The following ATP6V0A4 variants were observed in gnomAD, a reference collection of about 807,000 sequenced individuals.
ATP6V0A4 encodes the protein ATPase H+ transporting V0 subunit a4, also known as V-type proton ATPase 116 kDa subunit a 4.
A neutral mutation model predicts 107.3 loss-of-function variants in ATP6V0A4; 86 were observed. The ratio of observed to expected loss-of-function variants is 0.80; its 90% confidence interval spans 0.67 to 0.96. The LOEUF is 0.96. Among genes scored for constraint, ATP6V0A4 ranks in the 40% least tolerant of loss-of-function variants. ATP6V0A4 has a pLI of 0.00. For synonymous variants in ATP6V0A4, 353 were observed against 381.4 expected, an observed-to-expected ratio of 0.93 and a Z score of 0.87; for missense variants, 908 against 1,045.6, an observed-to-expected ratio of 0.87 and a Z score of 1.81.
intron 1 of ATP6V0A4, among the ~76,000 whole-genome samples, chr7:138,788,112 ATTGAC>A (rs1808250134): frequency 6.6e-6 from 1 of 152,218 alleles, no homozygotes. Context: ...CCAAACAATC[ATTGAC>A]TTGACTATCT....
At chr7:138,756,674 T>C (rs1421435973) in intron 8 of ATP6V0A4, 134 bp from the exon 9 acceptor site, 4 of 1,219,854 alleles carry the variant, frequency 3.3e-6, no homozygotes, top group South Asian at 3.0e-5. Context: ...GTAACTTTCC[T>C]AGTTCATCTA....
chr7:138,745,252 T>C lies in ATP6V0A4; in HGVS notation c.1349A>G (p.Tyr450Cys). 3.1e-6 allele frequency: 5 copies of C among 1,614,070 alleles called. No individual in the cohort carries two copies. Among genetic ancestry groups the C allele is most frequent in the Non-Finnish European group, 4.2e-6 (5 of 1,179,950 alleles). ...GAAGATGCCCATAAGTAGGATCAGATAGCGCCCGTGGAAGAAGGTGTTCCA... is the reference window on the plus strand; with the variant it reads ...GAAGATGCCCATAAGTAGGATCAGACAGCGCCCGTGGAAGAAGGTGTTCCA... ...EIWNTFFHGR[Y>C]LILLMGIFSI... Residue 450 changes from tyrosine (Y) to cysteine (C), a missense_variant, in exon 14 of 22, where the codon TAT (tyrosine) becomes TGT (cysteine). By Grantham distance (194) the Tyr-to-Cys change is radical. Transcript: ENST00000310018.
At chr7:138,728,942 G>C in intron 17 of ATP6V0A4, 80 bp from the exon 18 acceptor site, 1 of 1,609,542 alleles carries the variant, frequency 6.2e-7, no homozygotes, top group Non-Finnish European at 8.5e-7. Flanking sequence ...TGACCACTAT[G>C]GGCCACTTCA....
At chr7:138,766,917 A>G (rs1807121180) in intron 5 of ATP6V0A4, among the ~76,000 whole-genome samples, 1 of 152,218 alleles carries the variant, frequency 6.6e-6, no homozygotes, top group Non-Finnish European at 1.5e-5. Context: ...GGCTATTAAA[A>G]TATTCCTCCC....
chr7:138,729,018 T>C (rs1804855360), intron 17 of ATP6V0A4, 156 bp from the exon 18 acceptor site: 1 of 903,734 alleles, frequency 1.1e-6, no homozygotes, highest in Non-Finnish European at 1.3e-6. Flanking sequence ...GCCTGGAATA[T>C]TCCCCTTGCA....
chr7:138,711,237 G>A (rs1803725563), intron 20 of ATP6V0A4, among the ~76,000 whole-genome samples: 1 of 152,174 alleles, frequency 6.6e-6, no homozygotes, highest in South Asian at 2.1e-4. Flanking sequence ...AAATCCAAGA[G>A]GAGGGAGGTC....
chr7:138,745,463 T>A, intron 13 of ATP6V0A4, 183 bp from the exon 14 acceptor site: 1 of 353,742 alleles, frequency 2.8e-6, no homozygotes, highest in Non-Finnish European at 3.9e-6. Context: ...TTGGAACATA[T>A]AGGTGCACCA....
At chr7:138,779,294 G>C (rs374198265) in intron 2 of ATP6V0A4, among the ~76,000 whole-genome samples, 1 of 151,730 alleles carries the variant, frequency 6.6e-6, no homozygotes, top group South Asian at 2.1e-4. Flanking sequence ...GCTGCAGTGA[G>C]CCATGATCAT....
At position 138,721,990 on chromosome 7, in the gene ATP6V0A4, C is replaced by T. The variant is rs147889261; in HGVS notation, c.2046G>A (p.Glu682=). ...GGCTGGAGCTATCACCTTCAATGTT[C>T]TCAGTGGCATCTTCTTGGATCCTGG... The part of the protein sequence containing the change: ...QASRIQEDAT[E]NIEGDSSSPS... The change falls in exon 19 of 22, where the codon GAG becomes GAA. Residue 682 remains glutamate (E), a synonymous_variant. Coordinates refer to ENST00000310018, the MANE Select transcript of ATP6V0A4 (RefSeq NM_020632.3). 4.3e-6 allele frequency: 7 copies of T among 1,614,052 alleles called. No homozygotes were observed. The highest frequency in any genetic ancestry group is 5.9e-6 in the Non-Finnish European group (7 of 1,180,052).
chr7:138,718,242 GGA>G (rs1408441512), intron 19 of ATP6V0A4, among the ~76,000 whole-genome samples: 30 of 67,612 alleles, frequency 4.4e-4, no homozygotes, highest in African/African-American at 9.2e-4. Context: ...GCGCAGTTAT[GGA>G]TGTCTGCGGA....
chr7:138,738,191 A>G (rs1256821632), intron 15 of ATP6V0A4, among the ~76,000 whole-genome samples: 2 of 152,130 alleles, frequency 1.3e-5, no homozygotes, highest in Non-Finnish European at 2.9e-5. Flanking sequence ...AGATTTCATT[A>G]TTTTCAATAT....
At chr7:138,725,261 C>G (rs1332689209) in intron 18 of ATP6V0A4, among the ~76,000 whole-genome samples, 1 of 152,118 alleles carries the variant, frequency 6.6e-6, no homozygotes, top group Non-Finnish European at 1.5e-5. Context: ...AAGACCCTAT[C>G]TAAAAATACA....
intron 8 of ATP6V0A4, 30 bp downstream of exon 8, chr7:138,759,722 G>T: frequency 3.1e-6 from 5 of 1,613,576 alleles, no homozygotes; most frequent in Non-Finnish European, 4.2e-6. Flanking sequence ...GGAAGTCTCA[G>T]AGAAAGTTTT....
intron 20 of ATP6V0A4, among the ~76,000 whole-genome samples, chr7:138,712,305 A>G (rs1803787721): frequency 1.3e-5 from 2 of 152,258 alleles, no homozygotes; most frequent in South Asian, 4.1e-4. Flanking sequence ...CTTCAGCTCC[A>G]ACCTCAGCAG....
rs576873069 is a variant in ATP6V0A4, at chr7:138,765,231, C to T, written c.292-2206G>A. On this transcript the variant is annotated intron_variant, in intron 5 of 21. Transcript: ENST00000310018. Reference sequence around the variant, plus strand: ...ACAAGCAGCGTGAATCCTATCCGCCCATCATCCAGCTTCAGTTCCACTCCA... The same window carrying T: ...ACAAGCAGCGTGAATCCTATCCGCCTATCATCCAGCTTCAGTTCCACTCCA... Among the ~76,000 whole-genome samples the T allele has an allele frequency of 4.2e-4, 64 of 152,234 alleles. 1 individual carries two copies. The highest frequency in any genetic ancestry group is 1.5e-3 in the African/African-American group (62 of 41,542).
intron 2 of ATP6V0A4, among the ~76,000 whole-genome samples, chr7:138,775,516 G>T (rs57484896): frequency 0.17 from 25,489 of 151,916 alleles, 2,770 homozygotes; most frequent in African/African-American, 0.29. Context: ...TTGCTCTGTT[G>T]TCCAGGCTGG....
chr7:138,762,196 A>ATATGGGTCTATCGCT, intron 7 of ATP6V0A4, 144 bp downstream of exon 7: 1 of 1,060,770 alleles, frequency 9.4e-7, no homozygotes, highest in Non-Finnish European at 1.4e-6. Context: ...AGTAAGTTAC[A>ATATGGGTCTATCGCT]TATGGGTCTA....
chr7:138,730,593 GC>G (rs968976118), intron 17 of ATP6V0A4, among the ~76,000 whole-genome samples: 1 of 152,144 alleles, frequency 6.6e-6, no homozygotes, highest in African/African-American at 2.4e-5. Context: ...GATAAGCCAC[GC>G]ATTCACTGTG....
chr7:138,717,213 G>A (rs896268154), intron 19 of ATP6V0A4, among the ~76,000 whole-genome samples: 5 of 152,194 alleles, frequency 3.3e-5, no homozygotes, highest in Non-Finnish European at 7.3e-5. Flanking sequence ...GGCTGGAAAC[G>A]GACTCCTGAG....
Sources: allele counts gnomAD v4.1 joint callset (sites outside exome capture counted in the v4.1 genomes callset), GRCh38; gene constraint gnomAD v4.1.1; transcripts MANE v1.5; gene names NCBI Gene and HGNC (gene_info 2026-07-23, HGNC 2026-07-21).